MYO15B: variants seen among roughly 807,000 people sequenced by gnomAD.
The protein encoded by MYO15B is myosin XVB, also known as myosin XVB pseudogene.
In MYO15B, 207 loss-of-function variants were observed where a neutral mutation model predicts 119.3. The observed-to-expected ratio is 1.73, with a 90% CI of 1.55 to 1.95. The LOEUF (loss-of-function observed/expected upper bound fraction) is 1.95. Ranked by LOEUF, MYO15B falls within the 30% of genes most tolerant of loss-of-function variation. MYO15B has a pLI of 0.00. For synonymous variants in MYO15B, 966 were observed against 498.9 expected (o/e 1.94, Z -12.48); for missense variants, 2,264 against 1,203.1 (o/e 1.88, Z -13.04).
At chr17:75,610,713 G>A (rs950546919) in intron 22 of MYO15B, 187 bp from the exon 23 acceptor site, 54 of 586,554 alleles carry the variant, frequency 9.2e-5, no homozygotes, top group Non-Finnish European at 1.4e-4. Context: ...GGGCACAGAC[G>A]CCCACAGTGC....
At chr17:75,603,442 T>C (rs958954272) in intron 19 of MYO15B, 130 bp downstream of exon 19, 2 of 611,634 alleles carry the variant, frequency 3.3e-6, no homozygotes, top group Non-Finnish European at 2.9e-6. Context: ...ACCCTCCCTC[T>C]CTCTCCTCGT....
At chr17:75,621,269 ACT>A (rs1326219724) in intron 50 of MYO15B, 74 bp from the exon 51 acceptor site, 7 of 661,526 alleles carry the variant, frequency 1.1e-5, no homozygotes, top group Admixed American at 8.4e-5. Context: ...TGCTCTTAGC[ACT>A]CTCCCTGCCT....
intron 53 of MYO15B, among the ~76,000 whole-genome samples, chr17:75,623,491 G>A (rs759219059): frequency 6.6e-5 from 10 of 152,316 alleles, no homozygotes; most frequent in Admixed American, 3.9e-4. Flanking sequence ...TTAGCTGGGC[G>A]TGGTGGCACG....
intron 29 of MYO15B, 23 bp downstream of exon 29, chr17:75,613,800 A>T (rs1280476613): frequency 1.4e-6 from 1 of 694,436 alleles, no homozygotes; most frequent in Middle Eastern, 2.3e-4. Context: ...GGGATGGGGG[A>T]CAGTGTGGCC....
exon 26 of MYO15B, chr17:75,612,844 C>A (rs768948101): frequency 1.4e-6 from 1 of 702,916 alleles, no homozygotes. Flanking sequence ...AAGCCCCTAA[C>A]CCAGCTGGAT....
intron 23 of MYO15B, among the ~76,000 whole-genome samples, chr17:75,611,282 C>A (rs1489422417): frequency 2.0e-5 from 3 of 151,864 alleles, no homozygotes; most frequent in Non-Finnish European, 4.4e-5. Flanking sequence ...GGCAACATGA[C>A]AAGACCCCAT....
intron 14 of MYO15B, 121 bp downstream of exon 14, chr17:75,597,020 A>G: frequency 1.7e-6 from 1 of 593,480 alleles, no homozygotes; most frequent in Non-Finnish European, 3.0e-6. Flanking sequence ...AGCGACCCTG[A>G]TCACAGTTCC....
At chr17:75,596,095 G>A (rs2056840916) in intron 12 of MYO15B, among the ~76,000 whole-genome samples, 1 of 152,210 alleles carries the variant, frequency 6.6e-6, no homozygotes, top group South Asian at 2.1e-4. Context: ...GAGGAAGGCT[G>A]GAAGGCTTCC....
rs1208510280 is a variant in MYO15B, at chr17:75,625,979, T to C, written c.9072+2T>C. 1 of 701,504 alleles carries C rather than the reference T, an allele frequency of 1.4e-6. No homozygotes were observed. Among genetic ancestry groups the C allele is most frequent in the Admixed American group, 2.0e-5 (1 of 49,604 alleles). 43.5% of individuals were successfully genotyped at this position (701,504 alleles called of 1,614,324 possible). A position where few individuals can be genotyped will look rare whatever the true frequency, so the allele number is the denominator to read the frequency against. On this transcript the variant is annotated splice_donor_variant, in intron 62 of 63. Transcript: ENST00000645453. LOFTEE classifies it high-confidence loss of function. ...ATCCTCATGGACCCCAGCTCCCAGG[T>C]GGGCACAGCTCTTGCCTCAGCACTG...
exon 3 of MYO15B, chr17:75,590,918 G>T (rs1188346223): frequency 2.0e-6 from 1 of 494,540 alleles, no homozygotes; most frequent in Non-Finnish European, 3.7e-6. Context: ...CCTTTGGGGG[G>T]CCTGTCTTGC....
In MYO15B at chr17:75,589,608, C is replaced by T. The variant is rs1170002720; in HGVS notation, c.1551C>T (p.Gly517=). ...GTATGCCGAGGGCTTCCCCTGGTGG[C>T]CGCTCCCCGCAGGTCCCGACAAGCC... Residue 517 remains glycine (G), a synonymous_variant, in exon 1 of 64, where the codon GGC becomes GGT. Coordinates refer to ENST00000645453, the Ensembl canonical transcript of MYO15B. This position sits in a 1 kb window ranked among gnomAD's most constrained non-coding sequence, Gnocchi z 4.2. 2 of 398,862 alleles carry T rather than the reference C, an allele frequency of 5.0e-6. No homozygotes were observed. The highest frequency in any genetic ancestry group is 8.8e-6 in the Non-Finnish European group (2 of 226,086). 24.7% of individuals were successfully genotyped at this position (398,862 alleles called of 1,614,324 possible). A position where few individuals can be genotyped will look rare whatever the true frequency, so the allele number is the denominator to read the frequency against.
Position 75,619,783 on chromosome 17 carries a change from A to AT in MYO15B, c.7287dup (p.Leu2430SerfsTer44), listed in dbSNP as rs1358007900. 1 of 702,706 alleles carries AT rather than the reference A, an allele frequency of 1.4e-6. No individual in the cohort carries two copies. The highest frequency in any genetic ancestry group is 2.6e-6 in the Non-Finnish European group (1 of 384,924). 43.5% of individuals were successfully genotyped at this position (702,706 alleles called of 1,614,324 possible). On this transcript the variant is annotated frameshift_variant, in exon 46 of 64. Transcript: ENST00000645453. LOFTEE classifies it high-confidence loss of function. ...CGGCCTCCGCCCCGACCAGCTGAAG[A>AT]TTCTCTGCTCATACAGGTGCGCTAG... is the stretch of plus-strand genomic sequence containing the variant.
exon 60 of MYO15B, chr17:75,625,161 C>G: frequency 1.4e-6 from 1 of 702,208 alleles, no homozygotes; most frequent in South Asian, 1.5e-5. Flanking sequence ...TGCCAGTCAG[C>G]GCCAAGGCAG....
chr17:75,610,773 TC>T lies in MYO15B; in HGVS notation c.4387-126del. On this transcript the variant is annotated intron_variant, in intron 22 of 63. Coordinates refer to ENST00000645453, the Ensembl canonical transcript of MYO15B. ...GCCAGGGGTGGCTGGCCCCTCCTGA[TC>T]TGTTCTCACTCCTTTGCTGAGAACC... 4.5e-6 allele frequency: 3 copies of T among 665,708 alleles called. No homozygotes were observed. In the South Asian group the frequency reaches 4.8e-5, roughly 11 times the overall value. 41.2% of individuals were successfully genotyped at this position (665,708 alleles called of 1,614,324 possible).
intron 8 of MYO15B, 40 bp downstream of exon 8, chr17:75,592,581 A>G: frequency 1.6e-6 from 1 of 623,552 alleles, no homozygotes; most frequent in Non-Finnish European, 2.9e-6. Flanking sequence ...AGGCCTGCCC[A>G]GAGGAGGATC....
chr17:75,604,350 C>T (rs1620773), intron 19 of MYO15B, among the ~76,000 whole-genome samples: 26,459 of 152,028 alleles, frequency 0.17, 3,752 homozygotes, highest in African/African-American at 0.39. Context: ...CCCACATCCC[C>T]AGAACCTGCA....
At chr17:75,601,731 C>A (rs1351010962) in intron 15 of MYO15B, among the ~76,000 whole-genome samples, 168 bp downstream of exon 15, 1 of 152,246 alleles carries the variant, frequency 6.6e-6, no homozygotes, top group Non-Finnish European at 1.5e-5. Context: ...GCACGGTTTA[C>A]TGAGTTCTAG....
chr17:75,603,163 C>G, intron 18 of MYO15B, 25 bp from the exon 19 acceptor site: 2 of 703,166 alleles, frequency 2.8e-6, no homozygotes, highest in African/African-American at 1.7e-5. Context: ...CTCCAGCTGT[C>G]TTTGGCTCTG....
At chr17:75,609,481 AAT>A (rs2057868266) in intron 21 of MYO15B, among the ~76,000 whole-genome samples, 1 of 146,012 alleles carries the variant, frequency 6.8e-6, no homozygotes, top group Admixed American at 6.9e-5. Context: ...AGCTAAGGGA[AAT>A]GATTTTTTTT....
Sources: gnomAD v4.1 joint callset for allele counts (sites outside exome capture counted in the v4.1 genomes callset) on GRCh38, gnomAD v4.1.1 for gene constraint, Gnocchi (gnomAD v3.1) non-coding constraint, MANE v1.5 for transcripts, NCBI Gene and HGNC (gene_info 2026-07-23, HGNC 2026-07-21) for gene names.